The following PLPPR3 variants were observed in gnomAD, a reference collection of about 807,000 sequenced individuals.
PLPPR3 encodes phospholipid phosphatase related 3, also known as phospholipid phosphatase-related protein type 3.
A neutral mutation model predicts 27.3 loss-of-function variants in PLPPR3; 14 were observed. That is an observed-to-expected ratio of 0.51 (90% CI 0.34 to 0.80). The LOEUF is 0.80. Ranked by LOEUF, PLPPR3 falls within the 30% of genes least tolerant of loss-of-function variation. The pLI, the probability that PLPPR3 is intolerant of heterozygous loss-of-function variation, is 0.01. For missense variants in PLPPR3, 1,287 were observed against 1,056.9 expected (o/e 1.22, Z -3.02); for synonymous variants, 671 against 508.0 (o/e 1.32, Z -4.32).
rs537835428 is a variant in PLPPR3, at chr19:813,755, G to T, written c.972C>A (p.Asp324Glu). 5 of 1,527,028 alleles carry T rather than the reference G, an allele frequency of 3.3e-6. No individual in the cohort carries two copies. The Admixed American group carries it at 6.1e-5, about 18-fold the overall frequency. The allele number at this position is 1,527,028 out of a possible 1,614,324, so 94.6% of individuals were successfully genotyped here. A position where few individuals can be genotyped will look rare whatever the true frequency, so the allele number is the denominator to read the frequency against. Residue 324 changes from aspartate (D) to glutamate (E), a missense_variant, in exon 8 of 8, where the codon GAC becomes GAA. Transcript: ENST00000520876. This position sits in a 1 kb window ranked among gnomAD's most constrained non-coding sequence, Gnocchi z 4.1. ...VYQQNKSVST[D>E]ELGPPGRLEG... ...CCAGCCGCCCTGGGGGCCCCAGCTC[G>T]TCGGTGCTCACCGACTTATTCTGCT...
chr19:815,454 G>T, intron 3 of PLPPR3, 127 bp from the exon 4 acceptor site: 3 of 1,100,666 alleles, frequency 2.7e-6, no homozygotes, highest in East Asian at 2.6e-5. Context: ...GGTGGCGGGG[G>T]TGGGCTCCCA....
upstream of PLPPR3, among the ~76,000 whole-genome samples, chr19:823,441 C>CAAAA (rs905654427): frequency 2.5e-5 from 1 of 40,080 alleles, no homozygotes; most frequent in Non-Finnish European, 4.2e-5. Context: ...GACTCTATCT[C>CAAAA]AAAAAAAAAA....
chr19:814,109 C>T (rs1282767016), intron 7 of PLPPR3, among the ~76,000 whole-genome samples: 1 of 152,070 alleles, frequency 6.6e-6, no homozygotes, highest in African/African-American at 2.4e-5. Context: ...GGGCGAGACA[C>T]TTCAGCACCC....
rs567541445 is a variant in PLPPR3, at chr19:815,037, C to A, written c.448G>T (p.Val150Leu). ...GLCATALVTD[V>L]IQLATGYHTP... ...TGGTAACCCGTGGCCAGCTGGATCA[C>A]GTCCGTCACCAGGGCTGTGGCACAC... The change falls in exon 5 of 8, where the codon GTG (valine) becomes TTG (leucine). Residue 150 changes from valine (V) to leucine (L), a missense_variant. Physicochemically the swap from Val to Leu is conservative, Grantham distance 32. Coordinates refer to ENST00000520876, the MANE Select transcript of PLPPR3 (RefSeq NM_001270366.2). 1 of 1,609,512 alleles carries A rather than the reference C, an allele frequency of 6.2e-7. No individual in the cohort carries two copies. Among genetic ancestry groups the A allele is most frequent in the South Asian group, 1.1e-5 (1 of 91,086 alleles).
At position 821,571 on chromosome 19, in the gene PLPPR3, C is replaced by A. The variant is rs933956220; in HGVS notation, c.-12G>T. The A allele has an allele frequency of 1.4e-6, 2 of 1,469,748 alleles. No homozygotes were observed. Among genetic ancestry groups the A allele is most frequent in the Non-Finnish European group, 1.8e-6 (2 of 1,101,700 alleles). The allele number at this position is 1,469,748 out of a possible 1,614,324, so 91.0% of individuals were successfully genotyped here. A position where few individuals can be genotyped will look rare whatever the true frequency, so the allele number is the denominator to read the frequency against. On this transcript the variant is annotated 5_prime_UTR_variant, in exon 2 of 8. Transcript: ENST00000520876. ...TTGGTGGAGATCATGGTGCCGCGGG[C>A]GCCGCAGGCCGTGGCTGGAGGGGAG... is the stretch of plus-strand genomic sequence containing the variant.
chr19:822,211 C>T (rs1004221256), upstream of PLPPR3, among the ~76,000 whole-genome samples: 23 of 151,514 alleles, frequency 1.5e-4, no homozygotes, highest in African/African-American at 5.6e-4. Context: ...CTCCTCCCTT[C>T]GGGCCTGCGG....
chr19:817,953 T>G (rs1343960537), intron 2 of PLPPR3, among the ~76,000 whole-genome samples: 4 of 152,016 alleles, frequency 2.6e-5, no homozygotes, highest in Admixed American at 6.6e-5. Context: ...TGGAGATGAG[T>G]CAATGTGGGA....
chr19:815,041 C>G lies in PLPPR3; in HGVS notation c.444G>C (p.Thr148=). The G allele has an allele frequency of 6.2e-7, 1 of 1,609,108 alleles. No homozygotes were observed. Among genetic ancestry groups the G allele is most frequent in the Non-Finnish European group, 8.5e-7 (1 of 1,179,930 alleles). Residue 148 remains threonine, a synonymous_variant, in exon 5 of 8, where the codon ACG becomes ACC. Coordinates refer to ENST00000520876, the MANE Select transcript of PLPPR3 (RefSeq NM_001270366.2). ...AACCCGTGGCCAGCTGGATCACGTC[C>G]GTCACCAGGGCTGTGGCACACAGGC... is the stretch of plus-strand genomic sequence containing the variant. ...VFGLCATALV[T]DVIQLATGYH...
At position 815,834 on chromosome 19, in the gene PLPPR3, AG is replaced by A. The variant is rs1568285506; in HGVS notation, c.92del (p.Ser31PhefsTer11). ...FYFVELPIVA[S>X]SIVSLYFLEL... ...CCAGGAAGTACAAGGATACGATGGA[AG>A]AAGCCACTATGGGCAGCTGTGGGGA... On this transcript the variant is annotated frameshift_variant, in exon 3 of 8. Coordinates refer to ENST00000520876, the MANE Select transcript of PLPPR3 (RefSeq NM_001270366.2). LOFTEE classifies it high-confidence loss of function. 1 of 1,612,648 alleles carries A rather than the reference AG, an allele frequency of 6.2e-7. No individual in the cohort carries two copies. The highest frequency in any genetic ancestry group is 2.2e-5 in the East Asian group (1 of 44,890).
rs1303904767 is a variant in PLPPR3, at chr19:812,586, C to A, written c.2141G>T (p.Arg714Leu). 1 of 1,072,368 alleles carries A rather than the reference C, an allele frequency of 9.3e-7. No homozygotes were observed. Among genetic ancestry groups the A allele is most frequent in the Non-Finnish European group, 1.1e-6 (1 of 878,028 alleles). 66.4% of individuals were successfully genotyped at this position (1,072,368 alleles called of 1,614,324 possible). A position where few individuals can be genotyped will look rare whatever the true frequency, so the allele number is the denominator to read the frequency against. The change falls in exon 8 of 8, where the codon CGC (arginine) becomes CTC (leucine). Residue 714 changes from arginine to leucine, a missense_variant. Coordinates refer to ENST00000520876, the MANE Select transcript of PLPPR3 (RefSeq NM_001270366.2). ...CCCGCCGCGCTAGTCGGGGAAGCGGCGCGCCTGCATCTTGCGGAAGTAGCC... is the reference window on the plus strand; with the variant it reads ...CCCGCCGCGCTAGTCGGGGAAGCGGAGCGCCTGCATCTTGCGGAAGTAGCC... ...AEGYFRKMQARRFPD is the reference protein window; with the variant it reads ...AEGYFRKMQALRFPD
rs777542566 is a variant in PLPPR3 at position 814,892 on chromosome 19, G to A, written c.593C>T (p.Ser198Phe). Residue 198 changes from serine (S) to phenylalanine (F), a missense_variant, in exon 5 of 8, where the codon TCT becomes TTT. Coordinates refer to ENST00000520876, the MANE Select transcript of PLPPR3 (RefSeq NM_001270366.2). Reference sequence around the variant, plus strand: ...AGTTGGGGGTCCGGCTCACCGTGCAGACAGGATGGCGTGGATGTCGTGGCC... The same window carrying A: ...AGTTGGGGGTCCGGCTCACCGTGCAAACAGGATGGCGTGGATGTCGTGGCC... ...CSGHDIHAIL[S>F]ARKTFPSQHA... 4.0e-5 allele frequency: 64 copies of A among 1,609,888 alleles called. No homozygotes were observed. The highest frequency in any genetic ancestry group is 5.0e-5 in the Non-Finnish European group (59 of 1,179,828).
At chr19:819,168 G>C (rs1392472011) in intron 2 of PLPPR3, among the ~76,000 whole-genome samples, 3 of 101,554 alleles carry the variant, frequency 3.0e-5, no homozygotes, top group Non-Finnish European at 5.7e-5. Flanking sequence ...GTAGAGGTGT[G>C]GTTTCACCAC....
rs759881790 is a variant in PLPPR3 at position 812,584 on chromosome 19, G to A, written c.2143C>T (p.Arg715Cys). The A allele has an allele frequency of 4.7e-6, 5 of 1,061,674 alleles. No homozygotes were observed. Among genetic ancestry groups the A allele is most frequent in the South Asian group, 2.4e-5 (1 of 41,258 alleles). The allele number at this position is 1,061,674 out of a possible 1,614,324, so 65.8% of individuals were successfully genotyped here. A position where few individuals can be genotyped will look rare whatever the true frequency, so the allele number is the denominator to read the frequency against. Residue 715 changes from arginine to cysteine, a missense_variant, in exon 8 of 8, where the codon CGC (arginine) becomes TGC (cysteine). Physicochemically the swap from Arg to Cys is radical, Grantham distance 180 (BLOSUM62 -3). Transcript: ENST00000520876. ...GCCCCGCCGCGCTAGTCGGGGAAGC[G>A]GCGCGCCTGCATCTTGCGGAAGTAG... The part of the protein sequence containing the change: ...EGYFRKMQAR[R>C]FPD
intron 1 of PLPPR3, 102 bp downstream of exon 1, chr19:821,813 C>T: frequency 3.4e-6 from 1 of 292,914 alleles, no homozygotes; most frequent in Non-Finnish European, 6.2e-6. Flanking sequence ...GGTCTCCGGG[C>T]GGGAGCCAGT....
chr19:818,995 G>C (rs1182944605), intron 2 of PLPPR3, among the ~76,000 whole-genome samples: 48 of 100,548 alleles, frequency 4.8e-4, no homozygotes, highest in Admixed American at 7.9e-4. Context: ...ATTATTTTTT[G>C]AGATGGAGTC....
intron 2 of PLPPR3, among the ~76,000 whole-genome samples, 174 bp downstream of exon 2, chr19:821,311 C>T (rs551287903): frequency 1.3e-5 from 2 of 151,802 alleles, no homozygotes; most frequent in Non-Finnish European, 2.9e-5. Flanking sequence ...CCTACTCGAC[C>T]CGCACAGCCC....
intron 3 of PLPPR3, 152 bp from the exon 4 acceptor site, chr19:815,479 A>G (rs1255621987): frequency 3.4e-5 from 35 of 1,024,606 alleles, no homozygotes; most frequent in Admixed American, 5.7e-5. Flanking sequence ...TGGTGCCCAC[A>G]GGCTGGCACA....
rs1480628954 is a variant in PLPPR3, at chr19:813,347, GTCCTCCTCCTCT to G, written c.1368_1379del (p.Glu456_Glu459del). The G allele has an allele frequency of 1.7e-4, 250 of 1,474,440 alleles. No homozygotes were observed. Among genetic ancestry groups the G allele is most frequent in the Non-Finnish European group, 2.1e-4 (236 of 1,121,236 alleles). 91.3% of individuals were successfully genotyped at this position (1,474,440 alleles called of 1,614,324 possible). ...AGAGCGAGGGCGGGGCCGGGCCCTC[GTCCTCCTCCTCT>G]TCCTCCTCCTCCTCTTCCTCTTCGT... is the stretch of plus-strand genomic sequence containing the variant. On this transcript the variant is annotated inframe_deletion, in exon 8 of 8. Coordinates refer to ENST00000520876, the MANE Select transcript of PLPPR3 (RefSeq NM_001270366.2). This position sits in a 1 kb window ranked among gnomAD's most constrained non-coding sequence, Gnocchi z 4.1.
In PLPPR3 at chr19:820,830, T is replaced by C. The variant is rs113038881; in HGVS notation, c.75+655A>G. 3.6e-3 allele frequency among the ~76,000 whole-genome samples: 553 copies of C among 151,624 alleles called. 5 individuals carry two copies. The highest frequency in any genetic ancestry group is 0.018 in the Admixed American group (275 of 15,258). On this transcript the variant is annotated intron_variant, in intron 2 of 7. Coordinates refer to ENST00000520876, the MANE Select transcript of PLPPR3 (RefSeq NM_001270366.2). The stretch of plus-strand genomic sequence containing the variant: ...GAGCCACAGTGCCCAGCCTAATTTT[T>C]GTATTTTTAATGGAGAGGGGTTTCA...
Sources: allele counts gnomAD v4.1 joint callset (sites outside exome capture counted in the v4.1 genomes callset), GRCh38; gene constraint gnomAD v4.1.1; non-coding constraint Gnocchi (gnomAD v3.1); transcripts MANE v1.5; gene names NCBI Gene and HGNC (gene_info 2026-07-23, HGNC 2026-07-21).